Variants in NUP188 observed in about 807,000 individuals in gnomAD.
NUP188 encodes the protein nucleoporin 188.
In NUP188, 97 loss-of-function variants were observed where a neutral mutation model predicts 223.0. That is an observed-to-expected ratio of 0.43 (90% CI 0.37 to 0.51). NUP188 has a LOEUF of 0.51. Among genes scored for constraint, NUP188 ranks in the 20% least tolerant of loss-of-function variants. The probability of loss-of-function intolerance (pLI) is 0.00; values close to 1 mark genes in which losing one functional copy is unlikely to be tolerated. For missense variants in NUP188, 1,947 were observed against 2,175.6 expected, an observed-to-expected ratio of 0.89 and a Z score of 2.09; for synonymous variants, 869 against 828.0, an observed-to-expected ratio of 1.05 and a Z score of -0.85.
At chr9:128,973,915 C>T (rs1402374500) in intron 12 of NUP188, among the ~76,000 whole-genome samples, 1 of 151,778 alleles carries the variant, frequency 6.6e-6, no homozygotes, top group Non-Finnish European at 1.5e-5. Context: ...TTTATTTATG[C>T]ATTTATTTTT....
Position 129,005,428 on chromosome 9 carries a change from G to A in NUP188, c.4635G>A (p.Gln1545=). Residue 1545 remains glutamine (Q), a synonymous_variant, in exon 40 of 44, where the codon CAG becomes CAA. Coordinates refer to ENST00000372577, the MANE Select transcript of NUP188 (RefSeq NM_015354.3). ...CTGACACAGAGGCATCAGAGCAGCA[G>A]GCCTTGCACACAGTCCAGTATGGCC... The part of the protein sequence containing the change: ...PAADTEASEQ[Q]ALHTVQYGLL... The A allele has an allele frequency of 6.2e-7, 1 of 1,609,720 alleles. No individual in the cohort carries two copies. The highest frequency in any genetic ancestry group is 8.5e-7 in the Non-Finnish European group (1 of 1,180,024).
chr9:128,956,441 A>G lies in NUP188; in HGVS notation c.246+7A>G. ...AAGAATCAGCAAGTTTTTGGTGAGT[A>G]AAAATTAGCACTCGCTCAATTTATT... On this transcript the variant is annotated splice_region_variant and intron_variant, in intron 4 of 43. Transcript: ENST00000372577. The G allele has an allele frequency of 1.3e-6, 2 of 1,495,524 alleles. No individual in the cohort carries two copies. Among genetic ancestry groups the G allele is most frequent in the Non-Finnish European group, 1.8e-6 (2 of 1,093,306 alleles). The allele number at this position is 1,495,524 out of a possible 1,614,324, so 92.6% of individuals were successfully genotyped here.
At chr9:128,976,896 A>T (rs1273610593) in intron 12 of NUP188, among the ~76,000 whole-genome samples, 1 of 151,908 alleles carries the variant, frequency 6.6e-6, no homozygotes, top group Non-Finnish European at 1.5e-5. Flanking sequence ...GGGCAACATG[A>T]TGAAGCCCTG....
intron 30 of NUP188, among the ~76,000 whole-genome samples, chr9:128,996,173 G>A (rs1435862722): frequency 9.3e-5 from 14 of 150,058 alleles, no homozygotes; most frequent in Non-Finnish European, 1.8e-4. Flanking sequence ...TTCTTGAGAC[G>A]GAGTCTTGCT....
chr9:129,002,004 C>A, intron 36 of NUP188, 28 bp downstream of exon 36: 1 of 1,556,732 alleles, frequency 6.4e-7, no homozygotes, highest in Middle Eastern at 1.7e-4. Context: ...GCCAGGAGGC[C>A]CAGCCTGACC....
Position 129,003,451 on chromosome 9 carries a change from C to G in NUP188, c.4431C>G (p.Ile1477Met), listed in dbSNP as rs748098567. The stretch of plus-strand genomic sequence containing the variant: ...ACCTGCCTCAGCTCATGCGTGATAT[C>G]CAGGTGGGGGCCCAAGATGGTGTCT... ...HFHLPQLMRD[I>M]QVNLGYLCQA... is the part of the protein sequence containing the mutation. The change falls in exon 38 of 44, where the codon ATC becomes ATG. Residue 1477 changes from isoleucine to methionine, a missense_variant. Transcript: ENST00000372577. 6.2e-7 allele frequency: 1 copy of G among 1,609,600 alleles called. No homozygotes were observed. The highest frequency in any genetic ancestry group is 1.7e-5 in the Admixed American group (1 of 59,962).
rs138155558 is a variant in NUP188, at chr9:128,987,717, G to A, written c.2393G>A (p.Ser798Asn). The change falls in exon 23 of 44, where the codon AGT becomes AAT. Residue 798 changes from serine (S) to asparagine (N), a missense_variant and splice_region_variant. Ser to Asn is a conservative substitution (Grantham distance 46, BLOSUM62 1). This residue lies in a region of NUP188 where 225 missense variants were observed against 319.1 expected (regional missense o/e 0.71). Coordinates refer to ENST00000372577, the MANE Select transcript of NUP188 (RefSeq NM_015354.3). ...ATGGTGATGGCTGCTCAGCCTCGAA[G>A]GTAGGGCTCCTTCTCCACGTTCCCT... ...IDMVMAAQPR[S>N]DGAEGQGQGQ... 8 of 1,612,696 alleles carry A rather than the reference G, an allele frequency of 5.0e-6. No individual in the cohort carries two copies. The highest frequency in any genetic ancestry group is 6.8e-6 in the Non-Finnish European group (8 of 1,179,586).
rs774220979 is a variant in NUP188 at position 129,006,574 on chromosome 9, C to T, written c.5146C>T (p.Pro1716Ser). Residue 1716 changes from proline to serine, a missense_variant, in exon 44 of 44, where the codon CCC becomes TCC. Around this residue, in one of 3 missense-constraint regions of NUP188, gnomAD observed 905 missense variants for 990.6 expected, o/e 0.91. Transcript: ENST00000372577. ...CAGCTCCCCTGCCACTGGTGTCCTC[C>T]CCTCGCCGCAGGGCAAGTCCACCTC... Reference protein sequence around the residue: ...APSSPATGVLPSPQGKSTSLS... With the variant: ...APSSPATGVLSSPQGKSTSLS... 1 of 1,614,220 alleles carries T rather than the reference C, an allele frequency of 6.2e-7. No homozygotes were observed. Among genetic ancestry groups the T allele is most frequent in the East Asian group, 2.2e-5 (1 of 44,884 alleles).
intron 2 of NUP188, among the ~76,000 whole-genome samples, 160 bp downstream of exon 2, chr9:128,949,403 G>T (rs1841744529): frequency 6.6e-6 from 1 of 152,058 alleles, no homozygotes; most frequent in South Asian, 2.1e-4. Context: ...CGTGATCTCG[G>T]CTCACCGCAA....
intron 11 of NUP188, among the ~76,000 whole-genome samples, chr9:128,972,068 G>A (rs751542214): frequency 1.2e-4 from 18 of 152,098 alleles, no homozygotes; most frequent in African/African-American, 1.9e-4. Flanking sequence ...CACCGTGCCC[G>A]GCCAAATCAG....
chr9:128,956,508 T>A, intron 4 of NUP188, 74 bp downstream of exon 4: 1 of 730,412 alleles, frequency 1.4e-6, no homozygotes, highest in South Asian at 2.0e-5. Context: ...CTAGTGATAG[T>A]GAAAATTCAG....
chr9:128,951,506 A>C (rs193182049), intron 2 of NUP188, among the ~76,000 whole-genome samples: 8 of 152,210 alleles, frequency 5.3e-5, no homozygotes, highest in Non-Finnish European at 7.4e-5. Flanking sequence ...ACTTCACCAC[A>C]ACATCATTTA....
intron 21 of NUP188, 21 bp from the exon 22 acceptor site, chr9:128,986,788 T>C: frequency 6.2e-7 from 1 of 1,614,074 alleles, no homozygotes; most frequent in Middle Eastern, 1.7e-4. Flanking sequence ...ACATCATTCC[T>C]CTGTCTTTTC....
At chr9:128,976,082 C>CA (rs1395224438) in intron 12 of NUP188, among the ~76,000 whole-genome samples, 3 of 152,200 alleles carry the variant, frequency 2.0e-5, no homozygotes, top group Admixed American at 1.3e-4. Flanking sequence ...CTTGGCCTGT[C>CA]AGAGTGCTTG....
intron 16 of NUP188, 58 bp from the exon 17 acceptor site, chr9:128,982,844 G>C (rs565526648): frequency 6.9e-5 from 111 of 1,608,254 alleles, no homozygotes; most frequent in Non-Finnish European, 8.9e-5. Flanking sequence ...CTCAGAGACT[G>C]TTCAGTGATC....
Position 128,993,242 on chromosome 9 carries a change from G to C in NUP188, c.2686G>C (p.Ala896Pro), listed in dbSNP as rs747766964. The C allele has an allele frequency of 1.2e-6, 2 of 1,614,202 alleles. No individual in the cohort carries two copies. Among genetic ancestry groups the C allele is most frequent in the South Asian group, 1.1e-5 (1 of 91,082 alleles). The change falls in exon 26 of 44, where the codon GCC becomes CCC. Residue 896 changes from alanine to proline, a missense_variant. This residue lies in a region of NUP188 where 225 missense variants were observed against 319.1 expected (regional missense o/e 0.71). Transcript: ENST00000372577. ...TGCTTGTCTGGGCAATGATGCGGCT[G>C]CCATTCGTGATGCCTTCCTGACCCG... is the stretch of plus-strand genomic sequence containing the variant. ...VYACLGNDAA[A>P]IRDAFLTRLQ...
chr9:128,996,960 T>C (rs534368130), intron 30 of NUP188, among the ~76,000 whole-genome samples: 1 of 152,362 alleles, frequency 6.6e-6, no homozygotes, highest in East Asian at 1.9e-4. Flanking sequence ...TTTGATCGCA[T>C]AGAGAGTGCC....
rs1275247600 is a variant in NUP188, at chr9:128,980,663, C to T, written c.1327C>T (p.Leu443Phe). ...LDSVCGMFPHLLSPLLQLLRA... is the reference protein window; with the variant it reads ...LDSVCGMFPHFLSPLLQLLRA... ...CAGTGTGTGTGGAATGTTTCCCCAC[C>T]TTCTCTCCCCACTCCTGCAACTGCT... The change falls in exon 14 of 44, where the codon CTT becomes TTT. Residue 443 changes from leucine (L) to phenylalanine (F), a missense_variant. Physicochemically the swap from Leu to Phe is conservative, Grantham distance 22. This residue lies in a region of NUP188 where 817 missense variants were observed against 865.8 expected (regional missense o/e 0.94). Coordinates refer to ENST00000372577, the MANE Select transcript of NUP188 (RefSeq NM_015354.3). 6.2e-7 allele frequency: 1 copy of T among 1,614,052 alleles called. No homozygotes were observed. The highest frequency in any genetic ancestry group is 1.1e-5 in the South Asian group (1 of 91,082).
intron 24 of NUP188, 36 bp from the exon 25 acceptor site, chr9:128,990,084 C>G: frequency 6.7e-7 from 1 of 1,485,308 alleles, no homozygotes. Flanking sequence ...GAATTAGGCA[C>G]ACTTGATATC....
Sources: allele counts gnomAD v4.1 joint callset (sites outside exome capture counted in the v4.1 genomes callset), GRCh38; gene constraint gnomAD v4.1.1; regional missense constraint gnomAD v4.1.1; transcripts MANE v1.5; gene names NCBI Gene and HGNC (gene_info 2026-07-23, HGNC 2026-07-21).